Variants in NRXN1 observed in about 807,000 individuals in gnomAD.
The protein encoded by NRXN1 is neurexin 1, also known as neurexin-1.
NRXN1 carries 39 observed loss-of-function variants against 150.9 expected under a neutral mutation model. That is an observed-to-expected ratio of 0.26 (90% CI 0.20 to 0.34). The LOEUF is 0.34. NRXN1 is among the 10% of genes least tolerant of loss of function. The pLI is 1.00. For missense variants in NRXN1, 1,815 were observed against 1,949.9 expected (o/e 0.93, Z 1.30); for synonymous variants, 924 against 757.0 (o/e 1.22, Z -3.62).
chr2:49,970,971 G>A (rs1429133297), intron 21 of NRXN1, among the ~76,000 whole-genome samples: 5 of 151,996 alleles, frequency 3.3e-5, no homozygotes, highest in Admixed American at 2.0e-4. Context: ...ATTCATTAAC[G>A]CTGTTCAGCT....
chr2:50,061,962 C>T (rs530138212), intron 19 of NRXN1, among the ~76,000 whole-genome samples: 2 of 152,104 alleles, frequency 1.3e-5, no homozygotes, highest in African/African-American at 2.4e-5. Context: ...TCCCTTCCCC[C>T]CAATCCCTGT....
chr2:50,164,808 G>A (rs537825546), intron 18 of NRXN1, among the ~76,000 whole-genome samples: 12 of 152,228 alleles, frequency 7.9e-5, no homozygotes, highest in African/African-American at 2.4e-4. Context: ...TGTGTTCTCC[G>A]TTCTCCGTCA....
At chr2:50,082,314 G>C (rs2152685395) in intron 19 of NRXN1, among the ~76,000 whole-genome samples, 1 of 152,220 alleles carries the variant, frequency 6.6e-6, no homozygotes, top group African/African-American at 2.4e-5. Context: ...TGTTTAACGT[G>C]ACTACTTTTC....
intron 21 of NRXN1, among the ~76,000 whole-genome samples, chr2:49,955,970 A>G (rs889871151): frequency 2.0e-5 from 3 of 152,142 alleles, no homozygotes; most frequent in Admixed American, 1.3e-4. Context: ...GACTCAGAAC[A>G]TTTAGAATAC....
chr2:50,946,724 T>TA (rs1292100603), intron 2 of NRXN1, among the ~76,000 whole-genome samples: 3 of 152,088 alleles, frequency 2.0e-5, no homozygotes, highest in Non-Finnish European at 4.4e-5. Flanking sequence ...CAATATACTT[T>TA]AAAAAAACGC....
At position 50,462,190 on chromosome 2, in the gene NRXN1, A is replaced by G. The variant is rs147045187; in HGVS notation, c.3364+3252T>C. Among the ~76,000 whole-genome samples, 3 of 152,094 alleles carry G rather than the reference A, an allele frequency of 2.0e-5. No individual in the cohort carries two copies. In the East Asian group the frequency reaches 5.8e-4, roughly 29 times the overall value. On this transcript the variant is annotated intron_variant, in intron 17 of 22. Coordinates refer to ENST00000401669, the MANE Select transcript of NRXN1 (RefSeq NM_001330078.2). ...AGCATGCTATAAAAACACTGGGCTT[A>G]TAAACCAAGAAAACAGAGAAGAATG... is the stretch of plus-strand genomic sequence containing the variant.
At chr2:50,403,959 G>T (rs539193409) in intron 17 of NRXN1, among the ~76,000 whole-genome samples, 78 of 152,166 alleles carry the variant, frequency 5.1e-4, no homozygotes, top group South Asian at 3.1e-3. Context: ...GAAGTGGACT[G>T]CTATACTAGC....
chr2:49,962,676 G>T (rs981055752), intron 21 of NRXN1, among the ~76,000 whole-genome samples: 1 of 152,060 alleles, frequency 6.6e-6, no homozygotes, highest in African/African-American at 2.4e-5. Context: ...TGATTGTGGT[G>T]GTGGTTACAA....
At chr2:50,936,301 G>A (rs899597352) in intron 2 of NRXN1, among the ~76,000 whole-genome samples, 1 of 152,130 alleles carries the variant, frequency 6.6e-6, no homozygotes, top group Admixed American at 6.6e-5. Context: ...AACATAATGA[G>A]ATGCTTATTA....
chr2:50,462,065 T>C (rs1363503555), intron 17 of NRXN1, among the ~76,000 whole-genome samples: 1 of 151,846 alleles, frequency 6.6e-6, no homozygotes, highest in Non-Finnish European at 1.5e-5. Flanking sequence ...TTGACTAACT[T>C]GGAGAGTAGT....
chr2:50,470,092 T>C (rs1350296322), intron 16 of NRXN1, among the ~76,000 whole-genome samples: 1 of 151,708 alleles, frequency 6.6e-6, no homozygotes, highest in Non-Finnish European at 1.5e-5. Context: ...CACCATTTCT[T>C]GTAGGTGAGA....
In NRXN1 at chr2:50,497,498, T is replaced by G. The variant is rs771543732; in HGVS notation, c.2714A>C (p.Asp905Ala). 1.2e-5 allele frequency: 20 copies of G among 1,613,780 alleles called. No individual in the cohort carries two copies. The highest frequency in any genetic ancestry group is 1.6e-4 in the Middle Eastern group (1 of 6,082). ...CGATTTGGTCTTGAAGGTGACAGGA[T>G]CTGCTATGATGTTCCTGAAGCCAAA... ...ARFGFRNIIA[D>A]PVTFKTKSSY... The change falls in exon 14 of 23, where the codon GAT becomes GCT. Residue 905 changes from aspartate (D) to alanine (A), a missense_variant. Physicochemically the swap from Asp to Ala is moderately radical, Grantham distance 126. Coordinates refer to ENST00000401669, the MANE Select transcript of NRXN1 (RefSeq NM_001330078.2).
At chr2:50,411,087 T>C (rs920625743) in intron 17 of NRXN1, among the ~76,000 whole-genome samples, 4 of 149,084 alleles carry the variant, frequency 2.7e-5, no homozygotes, top group African/African-American at 7.4e-5. Context: ...GGTCTCCCTC[T>C]GATGCCGAGC....
chr2:50,096,798 T>C (rs2152704579), intron 18 of NRXN1, among the ~76,000 whole-genome samples: 1 of 152,352 alleles, frequency 6.6e-6, no homozygotes, highest in East Asian at 1.9e-4. Context: ...GGAAACATCA[T>C]GAAATATGAC....
intron 18 of NRXN1, among the ~76,000 whole-genome samples, chr2:50,206,407 A>G (rs2152838999): frequency 6.6e-6 from 1 of 152,122 alleles, no homozygotes; most frequent in East Asian, 1.9e-4. Context: ...ATGTCAGAAG[A>G]TAATAAGATC....
chr2:51,022,724 TAAC>T (rs933402581), intron 2 of NRXN1, among the ~76,000 whole-genome samples: 1 of 152,164 alleles, frequency 6.6e-6, no homozygotes, highest in Non-Finnish European at 1.5e-5. Flanking sequence ...ACTTATATAA[TAAC>T]TACTTAAATG....
At chr2:50,595,842 GAAGT>G (rs1675111611) in intron 8 of NRXN1, among the ~76,000 whole-genome samples, 1 of 152,168 alleles carries the variant, frequency 6.6e-6, no homozygotes, top group African/African-American at 2.4e-5. Context: ...GTAGCAAGGA[GAAGT>G]GAGAACCAAA....
At chr2:50,160,909 A>G (rs2059326514) in intron 18 of NRXN1, among the ~76,000 whole-genome samples, 1 of 152,144 alleles carries the variant, frequency 6.6e-6, no homozygotes, top group South Asian at 2.1e-4. Flanking sequence ...AGAAACCTTT[A>G]CAAGGAATAG....
intron 15 of NRXN1, among the ~76,000 whole-genome samples, chr2:50,475,336 G>A (rs1290082976): frequency 6.6e-6 from 1 of 152,078 alleles, no homozygotes; most frequent in Non-Finnish European, 1.5e-5. Flanking sequence ...TCTAAGCACG[G>A]TTGGCCCTCA....
Sources: allele counts gnomAD v4.1 joint callset (sites outside exome capture counted in the v4.1 genomes callset), GRCh38; gene constraint gnomAD v4.1.1; transcripts MANE v1.5; gene names NCBI Gene and HGNC (gene_info 2026-07-23, HGNC 2026-07-21).